The following N4BP2 variants were observed in gnomAD, a reference collection of about 807,000 sequenced individuals.
N4BP2 encodes the protein NEDD4-binding protein 2.
In N4BP2, 91 loss-of-function variants were observed where a neutral mutation model predicts 152.8. The observed-to-expected ratio is 0.60, with a 90% CI of 0.50 to 0.71. N4BP2 has a LOEUF of 0.71. N4BP2 is among the 30% of genes least tolerant of loss of function. The pLI, the probability that N4BP2 is intolerant of heterozygous loss-of-function variation, is 0.00. For synonymous variants in N4BP2, 646 were observed against 705.3 expected (o/e 0.92, Z 1.33); for missense variants, 1,923 against 2,059.1 (o/e 0.93, Z 1.28).
intron 1 of N4BP2, among the ~76,000 whole-genome samples, chr4:40,066,180 C>T (rs1318758606): frequency 6.6e-6 from 1 of 152,136 alleles, no homozygotes; most frequent in East Asian, 1.9e-4. Context: ...CCACCTGCCT[C>T]AGCCTCCCAG....
At chr4:40,163,249 A>G (rs1382478705), downstream of N4BP2, among the ~76,000 whole-genome samples, 1 of 152,214 alleles carries the variant, frequency 6.6e-6, no homozygotes, top group Non-Finnish European at 1.5e-5. Context: ...TTGCAAATGT[A>G]CCTAGTATAA....
intron 3 of N4BP2, among the ~76,000 whole-genome samples, chr4:40,098,131 C>T (rs1715271944): frequency 6.6e-6 from 1 of 152,154 alleles, no homozygotes; most frequent in African/African-American, 2.4e-5. Context: ...TAGCAACTGA[C>T]TCATAATAGG....
chr4:40,107,459 C>T (rs1579042916), intron 5 of N4BP2, among the ~76,000 whole-genome samples: 1 of 151,954 alleles, frequency 6.6e-6, no homozygotes, highest in East Asian at 1.9e-4. Flanking sequence ...TCTGGGTTCA[C>T]TGCAACCTCT....
the N4BP2 span, among the ~76,000 whole-genome samples, chr4:40,181,264 G>C: frequency 6.6e-6 from 1 of 152,112 alleles, no homozygotes; most frequent in Admixed American, 6.6e-5. Flanking sequence ...GTCTCTTCTT[G>C]TCTCTGTTTT....
intron 12 of N4BP2, among the ~76,000 whole-genome samples, chr4:40,131,139 C>T (rs138323778): frequency 6.6e-6 from 1 of 152,192 alleles, no homozygotes; most frequent in Middle Eastern, 3.4e-3. Flanking sequence ...GTTTTGAGGA[C>T]GATGTTCACA....
chr4:40,101,119 C>CT (rs1715606504), intron 3 of N4BP2, among the ~76,000 whole-genome samples: 1 of 152,110 alleles, frequency 6.6e-6, no homozygotes, highest in Non-Finnish European at 1.5e-5. Flanking sequence ...CTTTGTGCTT[C>CT]TATGGCATTT....
At chr4:40,135,129 T>C (rs958842648) in intron 13 of N4BP2, among the ~76,000 whole-genome samples, 91 of 124,212 alleles carry the variant, frequency 7.3e-4, no homozygotes, top group African/African-American at 2.9e-3. Flanking sequence ...CCCCAGAGTG[T>C]GATGTTCCCC....
intron 9 of N4BP2, 35 bp from the exon 10 acceptor site, chr4:40,123,092 G>A (rs1251869985): frequency 4.4e-6 from 6 of 1,350,300 alleles, no homozygotes; most frequent in Non-Finnish European, 6.3e-6. Context: ...AATGAGTAAT[G>A]ATTACATTTT....
rs1284636965 is a variant in N4BP2 at position 40,156,010 on chromosome 4, A to C, written c.*1773A>C. 1.3e-5 allele frequency: 2 copies of C among 152,204 alleles called. No individual in the cohort carries two copies. Among genetic ancestry groups the C allele is most frequent in the African/African-American group, 2.4e-5 (1 of 41,462 alleles). 9.4% of individuals were successfully genotyped at this position (152,204 alleles called of 1,614,324 possible). A position where few individuals can be genotyped will look rare whatever the true frequency, so the allele number is the denominator to read the frequency against. ...TGCCAACAGTTTAGCACACTTTTGT[A>C]ATCTCTAGAACAGTTCTATACATTA... On this transcript the variant is annotated 3_prime_UTR_variant, in exon 18 of 18. Coordinates refer to ENST00000261435, the MANE Select transcript of N4BP2 (RefSeq NM_018177.6).
At chr4:40,089,809 C>G (rs1363239784) in intron 2 of N4BP2, among the ~76,000 whole-genome samples, 1 of 152,194 alleles carries the variant, frequency 6.6e-6, no homozygotes, top group Non-Finnish European at 1.5e-5. Context: ...GATTTTCTCT[C>G]TCTTTTTTAG....
Position 40,120,861 on chromosome 4 carries a change from A to G in N4BP2, c.2750A>G (p.Lys917Arg). Residue 917 changes from lysine (K) to arginine (R), a missense_variant, in exon 9 of 18, where the codon AAA becomes AGA. Lys to Arg is a conservative substitution (Grantham distance 26). Transcript: ENST00000261435. ...EPNLEIGTND[K>R]MNEISLSTAH... Reference sequence around the variant, plus strand: ...AACCTAGAAATTGGAACAAATGACAAAATGAATGAAATATCCTTATCTACA... The same window carrying G: ...AACCTAGAAATTGGAACAAATGACAGAATGAATGAAATATCCTTATCTACA... 6.2e-7 allele frequency: 1 copy of G among 1,614,170 alleles called. No individual in the cohort carries two copies. Among genetic ancestry groups the G allele is most frequent in the Non-Finnish European group, 8.5e-7 (1 of 1,180,030 alleles).
intron 12 of N4BP2, among the ~76,000 whole-genome samples, chr4:40,130,202 AT>A (rs1718791687): frequency 6.6e-6 from 1 of 151,322 alleles, no homozygotes; most frequent in Non-Finnish European, 1.5e-5. Context: ...AAAATAAAAT[AT>A]ATTTTTAGTA....
intron 1 of N4BP2, among the ~76,000 whole-genome samples, chr4:40,063,041 GA>G (rs1271168575): frequency 6.6e-6 from 1 of 152,204 alleles, no homozygotes; most frequent in Non-Finnish European, 1.5e-5. Flanking sequence ...ATCTAATACA[GA>G]GAGGAAAGGG....
At position 40,121,219 on chromosome 4, in the gene N4BP2, A is replaced by G. The variant is rs1384373924; in HGVS notation, c.3108A>G (p.Ser1036=). The G allele has an allele frequency of 6.2e-7, 1 of 1,613,894 alleles. No individual in the cohort carries two copies. Residue 1036 remains serine, a synonymous_variant, in exon 9 of 18, where the codon TCA becomes TCG. Transcript: ENST00000261435. The part of the protein sequence containing the change: ...WKIEKNKISI[S]DSIKVLTGRL... The stretch of plus-strand genomic sequence containing the variant: ...TAGAAAAGAATAAAATTAGCATTTC[A>G]GATTCTATCAAAGTATTAACAGGAA...
intron 4 of N4BP2, among the ~76,000 whole-genome samples, chr4:40,105,686 A>G (rs1439785535): frequency 6.6e-6 from 1 of 151,628 alleles, no homozygotes; most frequent in Non-Finnish European, 1.5e-5. Context: ...AGTAGCTACG[A>G]CTACAGGCAT....
intron 12 of N4BP2, among the ~76,000 whole-genome samples, chr4:40,126,798 C>T (rs554902120): frequency 6.6e-6 from 1 of 152,242 alleles, no homozygotes; most frequent in East Asian, 1.9e-4. Context: ...CGCTCTGTTG[C>T]CCAGGCTGGA....
the N4BP2 span, among the ~76,000 whole-genome samples, chr4:40,188,429 T>C: frequency 6.6e-6 from 1 of 152,106 alleles, no homozygotes; most frequent in East Asian, 1.9e-4. Context: ...ATTGGGATGA[T>C]TAAGTGGGAA....
rs1715804644 is a variant in N4BP2 at position 40,102,699 on chromosome 4, A to C, written c.854A>C (p.Asp285Ala). The change falls in exon 4 of 18, where the codon GAT becomes GCT. Residue 285 changes from aspartate to alanine, a missense_variant. Physicochemically the swap from Asp to Ala is moderately radical, Grantham distance 126 (BLOSUM62 -2). Coordinates refer to ENST00000261435, the MANE Select transcript of N4BP2 (RefSeq NM_018177.6). ...VEAQFSEAPVDLDASEPQACL... is the reference protein window; with the variant it reads ...VEAQFSEAPVALDASEPQACL... ...GCTCAATTCTCTGAAGCTCCTGTAG[A>C]TTTGGATGCCAGTGAACCTCAGGCT... The C allele has an allele frequency of 7.4e-6, 12 of 1,614,048 alleles. No individual in the cohort carries two copies. The highest frequency in any genetic ancestry group is 1.3e-5 in the African/African-American group (1 of 74,934).
intron 2 of N4BP2, among the ~76,000 whole-genome samples, chr4:40,082,737 G>C (rs1033966699): frequency 1.4e-5 from 2 of 146,432 alleles, no homozygotes; most frequent in South Asian, 4.3e-4. Context: ...GTCTTGCTTT[G>C]TCCCCCAGGC....
Sources: allele counts gnomAD v4.1 joint callset (sites outside exome capture counted in the v4.1 genomes callset), GRCh38; gene constraint gnomAD v4.1.1; transcripts MANE v1.5; gene names NCBI Gene and HGNC (gene_info 2026-07-23, HGNC 2026-07-21).